Variants in GRID2 observed in about 807,000 individuals in gnomAD.
GRID2 encodes glutamate receptor ionotropic, delta-2.
A neutral mutation model predicts 114.8 loss-of-function variants in GRID2; 33 were observed. The observed-to-expected ratio is 0.29, with a 90% CI of 0.22 to 0.38. The LOEUF is 0.38. Ranked by LOEUF, GRID2 falls within the 10% of genes least tolerant of loss-of-function variation. GRID2 has a pLI of 1.00. For missense variants in GRID2, 1,184 were observed against 1,257.7 expected (o/e 0.94, Z 0.89); for synonymous variants, 505 against 449.9 (o/e 1.12, Z -1.55).
chr4:92,440,247 A>C lies in GRID2; in HGVS notation c.88+135503A>C, dbSNP rs1435884547. Among the ~76,000 whole-genome samples the C allele has an allele frequency of 2.7e-5, 4 of 146,180 alleles. 1 individual carries two copies. Among genetic ancestry groups the C allele is most frequent in the Non-Finnish European group, 4.6e-5 (3 of 64,658 alleles). ...AAGGGATATAAAGGTTTCACTGAAT[A>C]CTAAGAGCCTGAAAAACTGCTTGGC... On this transcript the variant is annotated intron_variant, in intron 1 of 15. Coordinates refer to ENST00000282020, the MANE Select transcript of GRID2 (RefSeq NM_001510.4).
chr4:92,891,352 T>C (rs1746769970), intron 2 of GRID2, among the ~76,000 whole-genome samples: 1 of 152,182 alleles, frequency 6.6e-6, no homozygotes, highest in African/African-American at 2.4e-5. Flanking sequence ...AGGCATTGTA[T>C]TACACACTAA....
chr4:93,726,765 C>T (rs1010376757), intron 14 of GRID2, among the ~76,000 whole-genome samples: 2 of 152,080 alleles, frequency 1.3e-5, no homozygotes, highest in African/African-American at 4.8e-5. Flanking sequence ...TGGGAGTTCA[C>T]TCATGATTTG....
rs58843299 is a variant in GRID2 at position 92,351,737 on chromosome 4, C to A, written c.88+46993C>A. Reference sequence around the variant, plus strand: ...GTGTCCTCAAGTATTTTGGCCTCCACATATGAGTAAGATCATGCATTATTT... The same window carrying A: ...GTGTCCTCAAGTATTTTGGCCTCCAAATATGAGTAAGATCATGCATTATTT... On this transcript the variant is annotated intron_variant, in intron 1 of 15. Coordinates refer to ENST00000282020, the MANE Select transcript of GRID2 (RefSeq NM_001510.4). Among the ~76,000 whole-genome samples, 1,105 of 151,914 alleles carry A rather than the reference C, an allele frequency of 7.3e-3. 9 individuals are homozygous for A. Among genetic ancestry groups the A allele is most frequent in the African/African-American group, 0.026 (1,067 of 41,494 alleles).
intron 2 of GRID2, among the ~76,000 whole-genome samples, chr4:92,957,604 TCTTCAACTTTAA>T (rs1312053919): frequency 6.6e-6 from 1 of 152,064 alleles, no homozygotes; most frequent in African/African-American, 2.4e-5. Context: ...ATTTTTTTTT[TCTTCAACTTTAA>T]CATTGTGCTA....
chr4:92,720,171 CA>C (rs1231295063), intron 2 of GRID2, among the ~76,000 whole-genome samples: 2 of 151,926 alleles, frequency 1.3e-5, no homozygotes, highest in Admixed American at 1.3e-4. Context: ...TAATTTTCAG[CA>C]TTTTTTTTAA....
chr4:92,959,479 G>A (rs990259264), intron 2 of GRID2, among the ~76,000 whole-genome samples: 11 of 151,220 alleles, frequency 7.3e-5, no homozygotes, highest in East Asian at 5.8e-4. Context: ...GTAATGCCCC[G>A]TAACCTTCAG....
intron 8 of GRID2, among the ~76,000 whole-genome samples, chr4:93,344,285 T>G (rs1759963347): frequency 6.6e-6 from 1 of 152,006 alleles, no homozygotes; most frequent in Non-Finnish European, 1.5e-5. Flanking sequence ...TCCATAAAAA[T>G]AAGACTTTAT....
chr4:92,942,273 T>TA (rs879829595), intron 2 of GRID2, among the ~76,000 whole-genome samples: 3 of 73,194 alleles, frequency 4.1e-5, no homozygotes, highest in Non-Finnish European at 1.0e-4. Flanking sequence ...TGCATATATA[T>TA]TTAGGATAGT....
intron 2 of GRID2, among the ~76,000 whole-genome samples, chr4:92,716,708 T>A (rs1358053024): frequency 1.3e-5 from 2 of 152,180 alleles, no homozygotes; most frequent in African/African-American, 4.8e-5. Flanking sequence ...GCCTTAGTGG[T>A]TTGCTCTCCT....
chr4:92,830,630 C>G lies in GRID2; in HGVS notation c.244+240344C>G, dbSNP rs147036381. On this transcript the variant is annotated intron_variant, in intron 2 of 15. Coordinates refer to ENST00000282020, the MANE Select transcript of GRID2 (RefSeq NM_001510.4). ...CTTTAAAGAGTCATAAGTTAAATAA[C>G]TGTTCTCAGCACAGACTGCTATGGG... Among the ~76,000 whole-genome samples, 880 of 152,214 alleles carry G rather than the reference C, an allele frequency of 5.8e-3. 2 individuals carry two copies. Among genetic ancestry groups the G allele is most frequent in the Non-Finnish European group, 8.8e-3 (597 of 68,000 alleles).
At chr4:92,898,195 C>A (rs1747308727) in intron 2 of GRID2, among the ~76,000 whole-genome samples, 1 of 152,050 alleles carries the variant, frequency 6.6e-6, no homozygotes, top group Non-Finnish European at 1.5e-5. Context: ...CAGTGAACAT[C>A]CCTAAAAGAA....
At chr4:92,968,654 G>T (rs989902141) in intron 2 of GRID2, among the ~76,000 whole-genome samples, 1 of 151,906 alleles carries the variant, frequency 6.6e-6, no homozygotes, top group East Asian at 1.9e-4. Flanking sequence ...TCACATAGTT[G>T]TACAAACATT....
At chr4:93,774,706 T>C (rs1734321592), downstream of GRID2, 2 of 152,172 alleles carry the variant, frequency 1.3e-5, no homozygotes, top group South Asian at 4.1e-4. Context: ...CCAAAATGAA[T>C]GGCTCTCTAA....
intron 2 of GRID2, among the ~76,000 whole-genome samples, chr4:92,673,990 A>T (rs1733203327): frequency 6.6e-6 from 1 of 151,010 alleles, no homozygotes; most frequent in South Asian, 2.1e-4. Context: ...TAAAAAATAA[A>T]TAAAAAAAGA....
intron 2 of GRID2, among the ~76,000 whole-genome samples, chr4:92,735,991 C>A (rs373443483): frequency 1.4e-4 from 21 of 151,932 alleles, no homozygotes; most frequent in African/African-American, 5.1e-4. Flanking sequence ...CAGAAAAAGC[C>A]CCCCCAAAGA....
intron 2 of GRID2, among the ~76,000 whole-genome samples, chr4:92,659,172 G>C (rs1398908811): frequency 6.6e-6 from 1 of 151,572 alleles, no homozygotes; most frequent in Non-Finnish European, 1.5e-5. Flanking sequence ...TAAAAATAAA[G>C]TAATATAGCA....
chr4:92,599,921 A>G (rs1488346398), intron 2 of GRID2, among the ~76,000 whole-genome samples: 6 of 151,020 alleles, frequency 4.0e-5, no homozygotes, highest in Non-Finnish European at 8.8e-5. Context: ...GCTACTCGGG[A>G]GGCTCAGGCA....
Position 93,025,846 on chromosome 4 carries a change from T to G in GRID2, c.245-59149T>G, listed in dbSNP as rs1723835559. On this transcript the variant is annotated intron_variant, in intron 2 of 15. Coordinates refer to ENST00000282020, the MANE Select transcript of GRID2 (RefSeq NM_001510.4). Reference sequence around the variant, plus strand: ...TATCAAGTCATTCTATATTTATTTTTTAATGTGTATTCCTGGGCTACCTCC... The same window carrying G: ...TATCAAGTCATTCTATATTTATTTTGTAATGTGTATTCCTGGGCTACCTCC... Among the ~76,000 whole-genome samples the G allele has an allele frequency of 2.6e-5, 4 of 151,888 alleles. No individual in the cohort carries two copies. The South Asian group carries it at 8.3e-4, about 31-fold the overall frequency.
At chr4:92,498,458 A>G (rs567867235) in intron 1 of GRID2, among the ~76,000 whole-genome samples, 1 of 152,088 alleles carries the variant, frequency 6.6e-6, no homozygotes, top group East Asian at 1.9e-4. Context: ...TAACAAAGCT[A>G]AAAACTGATT....
Sources: allele counts gnomAD v4.1 joint callset (sites outside exome capture counted in the v4.1 genomes callset), GRCh38; gene constraint gnomAD v4.1.1; transcripts MANE v1.5; gene names NCBI Gene and HGNC (gene_info 2026-07-23, HGNC 2026-07-21).